The following SHROOM2 variants were observed in gnomAD, a reference collection of about 807,000 sequenced individuals.
SHROOM2 encodes the protein protein Shroom2.
A neutral mutation model predicts 75.9 loss-of-function variants in SHROOM2; 33 were observed. The observed-to-expected ratio is 0.43, with a 90% CI of 0.33 to 0.58. The LOEUF is 0.58. Ranked by LOEUF, SHROOM2 falls within the 20% of genes least tolerant of loss-of-function variation. The probability of loss-of-function intolerance (pLI) is 0.04; values close to 1 mark genes in which losing one functional copy is unlikely to be tolerated. For missense variants in SHROOM2, 1,434 were observed against 1,461.2 expected, an observed-to-expected ratio of 0.98 and a Z score of 0.30; for synonymous variants, 655 against 663.6, an observed-to-expected ratio of 0.99 and a Z score of 0.20.
chrX:9,851,765 A>G (rs1381597553), intron 1 of SHROOM2, among the ~76,000 whole-genome samples: 1 of 109,479 alleles, frequency 9.1e-6, no homozygotes, highest in Admixed American at 9.9e-5. Flanking sequence ...TGACATAGAG[A>G]CCGTCAAGAC....
chrX:9,793,891 C>T (rs1257901835), intron 1 of SHROOM2, among the ~76,000 whole-genome samples: 1 of 110,104 alleles, frequency 9.1e-6, no homozygotes, highest in Non-Finnish European at 1.9e-5. Flanking sequence ...ACTACAGGTG[C>T]ATGCCACTAT....
chrX:9,816,410 A>T (rs1487993659), intron 1 of SHROOM2, among the ~76,000 whole-genome samples: 2 of 112,401 alleles, frequency 1.8e-5, no homozygotes, highest in Admixed American at 1.9e-4. Context: ...ATTAAAACTC[A>T]CAATTTCAAA....
chrX:9,891,970 C>T (rs1360290724), intron 3 of SHROOM2, among the ~76,000 whole-genome samples: 1 of 110,339 alleles, frequency 9.1e-6, no homozygotes, highest in African/African-American at 3.3e-5. Context: ...TTAATAAATG[C>T]TGGTCTTGGC....
intron 1 of SHROOM2, among the ~76,000 whole-genome samples, chrX:9,792,132 A>G (rs776362149): frequency 4.2e-5 from 1 of 23,650 alleles, no homozygotes; most frequent in Non-Finnish European, 1.0e-4. Flanking sequence ...AATAGAATAG[A>G]ATAGAATAGA....
At chrX:9,909,803 C>T (rs1256494033) in intron 5 of SHROOM2, among the ~76,000 whole-genome samples, 1 of 112,250 alleles carries the variant, frequency 8.9e-6, no homozygotes, top group Non-Finnish European at 1.9e-5. Flanking sequence ...AATAAAACAC[C>T]TAAGATTATA....
intron 1 of SHROOM2, among the ~76,000 whole-genome samples, chrX:9,852,733 G>A (rs1378392929): frequency 2.7e-5 from 3 of 112,895 alleles, no homozygotes; most frequent in African/African-American, 6.4e-5. Context: ...AATGATGATT[G>A]TAATTTGTCA....
At chrX:9,864,835 T>TAAATAAAAAC (rs2084125951) in intron 1 of SHROOM2, among the ~76,000 whole-genome samples, 1 of 103,492 alleles carries the variant, frequency 9.7e-6, no homozygotes, top group Non-Finnish European at 2.0e-5. Flanking sequence ...AAAAAATAAA[T>TAAATAAAAAC]AAATAAATAA....
intron 1 of SHROOM2, among the ~76,000 whole-genome samples, chrX:9,787,985 CT>C (rs199571103): frequency 0.1 from 8,213 of 81,878 alleles, 419 homozygotes; most frequent in Non-Finnish European, 0.14. Context: ...TTCTTTCTTT[CT>C]TTCTTCTTTT....
chrX:9,835,502 G>T (rs756881503), intron 1 of SHROOM2, among the ~76,000 whole-genome samples: 66 of 112,342 alleles, frequency 5.9e-4, no homozygotes, highest in Non-Finnish European at 1.1e-3. Context: ...CCATCTTACA[G>T]GGCCTGGCTA....
At chrX:9,860,713 C>T (rs1302286427) in intron 1 of SHROOM2, among the ~76,000 whole-genome samples, 2 of 111,934 alleles carry the variant, frequency 1.8e-5, no homozygotes, top group African/African-American at 6.5e-5. Flanking sequence ...CATGAGCCAC[C>T]GTGTCTGGCC....
In SHROOM2 at chrX:9,867,369, G is replaced by A. The variant is rs185332570; in HGVS notation, c.166-6283G>A. ...TGGGCCGGCATCGTCATGGGTCGGG[G>A]ATGATTGACTTCCTAGCTTTTTGTA... On this transcript the variant is annotated intron_variant, in intron 1 of 9. Coordinates refer to ENST00000380913, the MANE Select transcript of SHROOM2 (RefSeq NM_001649.4). Among the ~76,000 whole-genome samples the A allele has an allele frequency of 1.6e-3, 178 of 111,581 alleles. 1 individual carries two copies. Among genetic ancestry groups the A allele is most frequent in the African/African-American group, 5.2e-3 (159 of 30,713 alleles).
intron 1 of SHROOM2, among the ~76,000 whole-genome samples, chrX:9,803,337 A>G (rs1269594980): frequency 8.9e-6 from 1 of 111,747 alleles, no homozygotes; most frequent in East Asian, 2.8e-4. Context: ...AGACTTCTTA[A>G]AAATAATTTT....
chrX:9,861,486 T>C (rs2084103499), intron 1 of SHROOM2, among the ~76,000 whole-genome samples: 1 of 112,076 alleles, frequency 8.9e-6, no homozygotes, highest in Admixed American at 9.5e-5. Flanking sequence ...ATGTGTTTTT[T>C]AATACCACTT....
rs770252520 is a variant in SHROOM2 at position 9,893,811 on chromosome X, G to A, written c.450-547G>A. 7.7e-4 allele frequency among the ~76,000 whole-genome samples: 84 copies of A among 109,766 alleles called. 1 individual carries two copies. The highest frequency in any genetic ancestry group is 6.4e-3 in the Admixed American group (66 of 10,237). ...TACTAAAAATACAACAAAATTAGCC[G>A]GGCACAGTGGCAGGCACCTATAATC... On this transcript the variant is annotated intron_variant, in intron 3 of 9. Transcript: ENST00000380913.
At chrX:9,845,036 G>A (rs1448340182) in intron 1 of SHROOM2, among the ~76,000 whole-genome samples, 2 of 110,360 alleles carry the variant, frequency 1.8e-5, no homozygotes, top group East Asian at 5.7e-4. Flanking sequence ...GCCCGTAAAT[G>A]TTTTCTGTTT....
chrX:9,879,829 G>A (rs763391925), intron 2 of SHROOM2, among the ~76,000 whole-genome samples: 1 of 112,254 alleles, frequency 8.9e-6, no homozygotes, highest in African/African-American at 3.2e-5. Context: ...TACAGGTTAA[G>A]TTTATTTTGA....
intron 5 of SHROOM2, among the ~76,000 whole-genome samples, chrX:9,918,158 C>G (rs2084508219): frequency 8.9e-6 from 1 of 112,624 alleles, no homozygotes; most frequent in Non-Finnish European, 1.9e-5. Context: ...GTGTTACCTC[C>G]CTGGTTAGCA....
chrX:9,903,718 T>G (rs2084376854), intron 5 of SHROOM2, among the ~76,000 whole-genome samples: 1 of 110,160 alleles, frequency 9.1e-6, no homozygotes, highest in Non-Finnish European at 1.9e-5. Context: ...AATGTTTGTA[T>G]TTTTTTTGTA....
chrX:9,795,283 C>CCCAG (rs774780788), intron 1 of SHROOM2, among the ~76,000 whole-genome samples: 286 of 111,041 alleles, frequency 2.6e-3, no homozygotes, highest in Non-Finnish European at 4.6e-3. Flanking sequence ...TACCACTATG[C>CCCAG]CCAGCTCTCT....
Sources: allele counts gnomAD v4.1 joint callset (sites outside exome capture counted in the v4.1 genomes callset), GRCh38; gene constraint gnomAD v4.1.1; transcripts MANE v1.5; gene names NCBI Gene and HGNC (gene_info 2026-07-23, HGNC 2026-07-21).